GREB1L: variants seen among roughly 807,000 people sequenced by gnomAD.
The protein encoded by GREB1L is GREB1-like protein.
Under a neutral mutation model 200.8 loss-of-function variants are expected in GREB1L, and 17 were observed. The observed-to-expected ratio is 0.08, with a 90% CI of 0.06 to 0.13. GREB1L has a LOEUF of 0.13. GREB1L is among the 10% of genes least tolerant of loss of function. The probability of loss-of-function intolerance (pLI) is 1.00; values close to 1 mark genes in which losing one functional copy is unlikely to be tolerated. For missense variants in GREB1L, 1,657 were observed against 2,367.7 expected, an observed-to-expected ratio of 0.70 and a Z score of 6.23; for synonymous variants, 789 against 893.0, an observed-to-expected ratio of 0.88 and a Z score of 2.08.
Position 21,453,844 on chromosome 18 carries a change from C to T in GREB1L, c.1985-522C>T, listed in dbSNP as rs138844013. 7.9e-5 allele frequency among the ~76,000 whole-genome samples: 12 copies of T among 152,178 alleles called. No individual in the cohort carries two copies. In the East Asian group the frequency reaches 1.7e-3, roughly 22 times the overall value. ...ATGTAGTGACTGGGGAGGGAATTTC[C>T]GACCATGTTGCAACTGACTTGCTAA... On this transcript the variant is annotated intron_variant, in intron 14 of 32. Transcript: ENST00000424526.
intron 1 of GREB1L, among the ~76,000 whole-genome samples, chr18:21,327,643 T>C (rs2039042086): frequency 6.6e-6 from 1 of 151,414 alleles, no homozygotes; most frequent in Non-Finnish European, 1.5e-5. Context: ...GACTCCCTTT[T>C]ATCTGTTAAA....
intron 1 of GREB1L, among the ~76,000 whole-genome samples, chr18:21,249,088 ATATC>A (rs1482693870): frequency 6.6e-6 from 1 of 152,218 alleles, no homozygotes; most frequent in East Asian, 1.9e-4. Context: ...GTTGTAGTAA[ATATC>A]TATGAAAATA....
At chr18:21,324,450 G>A (rs1279963216) in intron 1 of GREB1L, among the ~76,000 whole-genome samples, 1 of 152,144 alleles carries the variant, frequency 6.6e-6, no homozygotes, top group Non-Finnish European at 1.5e-5. Context: ...GGAAATTCTA[G>A]GTAACTGGGA....
intron 18 of GREB1L, among the ~76,000 whole-genome samples, chr18:21,488,589 G>T (rs2036213303): frequency 6.6e-6 from 1 of 152,110 alleles, no homozygotes; most frequent in Admixed American, 6.6e-5. Flanking sequence ...ATTCTACCAG[G>T]CTCCATGAGA....
chr18:21,265,379 T>G (rs1313303624), intron 1 of GREB1L, among the ~76,000 whole-genome samples: 2 of 152,194 alleles, frequency 1.3e-5, no homozygotes, highest in African/African-American at 2.4e-5. Flanking sequence ...CCTTCCTGAA[T>G]GAAAAACCAA....
At chr18:21,420,433 T>A (rs2032061638) in intron 7 of GREB1L, among the ~76,000 whole-genome samples, 1 of 149,388 alleles carries the variant, frequency 6.7e-6, no homozygotes, top group Admixed American at 6.7e-5. Flanking sequence ...GCAAAGCATA[T>A]AAAGGGATTG....
chr18:21,288,891 C>T (rs2038401428), intron 1 of GREB1L, among the ~76,000 whole-genome samples: 1 of 152,114 alleles, frequency 6.6e-6, no homozygotes, highest in Non-Finnish European at 1.5e-5. Context: ...GCGCCCACCA[C>T]CACGCCCAGC....
chr18:21,509,070 T>C (rs2037135665), intron 27 of GREB1L, among the ~76,000 whole-genome samples: 1 of 152,216 alleles, frequency 6.6e-6, no homozygotes, highest in African/African-American at 2.4e-5. Context: ...CGTTACTGCC[T>C]ATGACACAGG....
chr18:21,424,169 TTC>T (rs2032382309), intron 7 of GREB1L, among the ~76,000 whole-genome samples: 1 of 152,226 alleles, frequency 6.6e-6, no homozygotes. Flanking sequence ...TACAATGTTT[TTC>T]TCTTATTGGC....
At chr18:21,246,819 G>A (rs1417781503) in intron 1 of GREB1L, among the ~76,000 whole-genome samples, 2 of 152,136 alleles carry the variant, frequency 1.3e-5, no homozygotes, top group Non-Finnish European at 2.9e-5. Context: ...CTGATTTGTG[G>A]TTAGTATTGT....
chr18:21,416,618 C>A (rs374840878), intron 7 of GREB1L, among the ~76,000 whole-genome samples: 137 of 149,354 alleles, frequency 9.2e-4, no homozygotes, highest in African/African-American at 3.3e-3. Context: ...GGCGTGAACC[C>A]GGGAGGCAGA....
intron 7 of GREB1L, among the ~76,000 whole-genome samples, chr18:21,425,636 G>A (rs1233337921): frequency 6.6e-6 from 1 of 152,140 alleles, no homozygotes; most frequent in Non-Finnish European, 1.5e-5. Context: ...TTCTCCAGTG[G>A]TTAATGATGT....
chr18:21,432,705 CTTT>C, intron 7 of GREB1L, among the ~76,000 whole-genome samples: 1 of 94,350 alleles, frequency 1.1e-5, no homozygotes, highest in South Asian at 3.7e-4. Flanking sequence ...TCTTTTTTTT[CTTT>C]TTTTTTTTTT....
chr18:21,278,535 A>G (rs1258818069), intron 1 of GREB1L, among the ~76,000 whole-genome samples: 1 of 152,100 alleles, frequency 6.6e-6, no homozygotes, highest in Non-Finnish European at 1.5e-5. Context: ...AATTTTTGGT[A>G]CTTGGTGGTA....
chr18:21,449,471 T>G (rs9954537), intron 11 of GREB1L, 39 bp from the exon 12 acceptor site: 3 of 1,276,062 alleles, frequency 2.4e-6, no homozygotes, highest in East Asian at 5.1e-5. Context: ...CTCCTCCCTG[T>G]GATTCTTTAA....
intron 7 of GREB1L, among the ~76,000 whole-genome samples, chr18:21,426,348 C>T (rs545196510): frequency 2.4e-4 from 36 of 152,264 alleles, no homozygotes; most frequent in Admixed American, 5.9e-4. Flanking sequence ...TGAGCCACCG[C>T]GCCCGGCCTT....
chr18:21,309,580 C>T (rs540764095), intron 1 of GREB1L, among the ~76,000 whole-genome samples: 75 of 152,312 alleles, frequency 4.9e-4, no homozygotes, highest in Non-Finnish European at 8.7e-4. Context: ...AAATCTACTA[C>T]TGCACCTTAC....
At chr18:21,514,041 TTCTTG>T in intron 28 of GREB1L, 55 bp downstream of exon 28, 2 of 1,453,448 alleles carry the variant, frequency 1.4e-6, no homozygotes, top group Non-Finnish European at 1.9e-6. Flanking sequence ...GACAATACAT[TTCTTG>T]ACTACAGTTA....
intron 2 of GREB1L, among the ~76,000 whole-genome samples, chr18:21,369,557 A>G (rs1353977739): frequency 6.6e-6 from 1 of 152,188 alleles, no homozygotes; most frequent in African/African-American, 2.4e-5. Context: ...TGTAGTCATG[A>G]TAGTTTTTAG....
Sources: allele counts gnomAD v4.1 joint callset (sites outside exome capture counted in the v4.1 genomes callset), GRCh38; gene constraint gnomAD v4.1.1; transcripts MANE v1.5; gene names NCBI Gene and HGNC (gene_info 2026-07-23, HGNC 2026-07-21).